Variants in CACNB2 observed in about 807,000 individuals in gnomAD.
CACNB2 encodes calcium voltage-gated channel auxiliary subunit beta 2.
In CACNB2, 42 loss-of-function variants were observed where a neutral mutation model predicts 73.3. That is an observed-to-expected ratio of 0.57 (90% CI 0.45 to 0.74). The LOEUF (loss-of-function observed/expected upper bound fraction) is 0.74. CACNB2 is among the 30% of genes least tolerant of loss of function. The pLI is 0.00. For synonymous variants in CACNB2, 348 were observed against 310.3 expected, an observed-to-expected ratio of 1.12 and a Z score of -1.28; for missense variants, 940 against 853.0, an observed-to-expected ratio of 1.10 and a Z score of -1.27.
chr10:18,275,163 G>C (rs1267357095), intron 2 of CACNB2, among the ~76,000 whole-genome samples: 1 of 152,138 alleles, frequency 6.6e-6, no homozygotes, highest in African/African-American at 2.4e-5. Context: ...GTGCTCCATC[G>C]CTATCTGGAG....
intron 3 of CACNB2, among the ~76,000 whole-genome samples, chr10:18,413,144 G>A (rs75380606): frequency 0.014 from 2,154 of 152,156 alleles, 84 homozygotes; most frequent in South Asian, 0.12. Flanking sequence ...GTAATTTTTT[G>A]TATTTTTAGT....
intron 2 of CACNB2, among the ~76,000 whole-genome samples, chr10:18,249,073 T>G (rs1028184234): frequency 1.3e-5 from 2 of 152,174 alleles, no homozygotes; most frequent in Admixed American, 1.3e-4. Context: ...TGTACTTAAA[T>G]CTGCAACAGT....
chr10:18,189,231 A>G (rs2034289088), intron 2 of CACNB2, among the ~76,000 whole-genome samples: 1 of 152,174 alleles, frequency 6.6e-6, no homozygotes, highest in Non-Finnish European at 1.5e-5. Flanking sequence ...TGTGGCTTTC[A>G]GGGCTCTTAA....
At chr10:18,360,453 G>C (rs2042097711) in intron 2 of CACNB2, among the ~76,000 whole-genome samples, 1 of 152,090 alleles carries the variant, frequency 6.6e-6, no homozygotes, top group Non-Finnish European at 1.5e-5. Context: ...TTAAATCCTG[G>C]CTTCAAGGGA....
chr10:18,232,566 G>A (rs531971875), intron 2 of CACNB2, among the ~76,000 whole-genome samples: 2 of 152,204 alleles, frequency 1.3e-5, no homozygotes, highest in East Asian at 1.9e-4. Flanking sequence ...TGCTTTTTGG[G>A]GGTCAGAATG....
At chr10:18,247,549 C>T (rs1457691341) in intron 2 of CACNB2, among the ~76,000 whole-genome samples, 2 of 151,930 alleles carry the variant, frequency 1.3e-5, no homozygotes, top group East Asian at 1.9e-4. Flanking sequence ...TTCTTTCCAT[C>T]ATCTCTTAAA....
At chr10:18,461,978 G>T (rs187155749) in intron 3 of CACNB2, among the ~76,000 whole-genome samples, 1 of 151,860 alleles carries the variant, frequency 6.6e-6, no homozygotes, top group Non-Finnish European at 1.5e-5. Context: ...TTCCATGTTG[G>T]TTGTTCACTT....
chr10:18,315,471 G>A (rs2489213), intron 2 of CACNB2, among the ~76,000 whole-genome samples: 42,135 of 132,150 alleles, frequency 0.32, 6,702 homozygotes, highest in Middle Eastern at 0.43. Flanking sequence ...GATCAGCCTG[G>A]GCAGCAAAAA....
chr10:18,455,408 A>G (rs1269082371), intron 3 of CACNB2, among the ~76,000 whole-genome samples: 2 of 152,186 alleles, frequency 1.3e-5, no homozygotes, highest in South Asian at 2.1e-4. Flanking sequence ...GTGTTTGAAG[A>G]TTCCTGGAGA....
Position 18,221,636 on chromosome 10 carries a change from G to A in CACNB2, c.213+70661G>A, listed in dbSNP as rs190804440. On this transcript the variant is annotated intron_variant, in intron 2 of 13. Transcript: ENST00000324631. ...GAAGGTTGCAGTGAGCTGAGATTGC[G>A]CCACTGCACTCCAGCCTGGGCAACA... 6.2e-3 allele frequency among the ~76,000 whole-genome samples: 946 copies of A among 152,248 alleles called. 5 individuals carry two copies. The highest frequency in any genetic ancestry group is 0.01 in the Middle Eastern group (3 of 294).
At chr10:18,310,462 G>C (rs1013557355) in intron 2 of CACNB2, among the ~76,000 whole-genome samples, 8 of 151,018 alleles carry the variant, frequency 5.3e-5, no homozygotes, top group Non-Finnish European at 1.2e-4. Context: ...AAAATTAGCT[G>C]GGCGTGGTGG....
At chr10:18,481,979 T>G (rs1433732540) in intron 3 of CACNB2, among the ~76,000 whole-genome samples, 1 of 152,160 alleles carries the variant, frequency 6.6e-6, no homozygotes, top group East Asian at 1.9e-4. Flanking sequence ...AACCTGTGCC[T>G]CCTGGGTTCA....
At chr10:18,180,228 A>G (rs923223880) in intron 2 of CACNB2, among the ~76,000 whole-genome samples, 1 of 152,136 alleles carries the variant, frequency 6.6e-6, no homozygotes, top group Non-Finnish European at 1.5e-5. Context: ...CTGGAGGGGA[A>G]TGACATACCG....
intron 3 of CACNB2, among the ~76,000 whole-genome samples, chr10:18,477,795 A>T (rs2048515173): frequency 6.6e-6 from 1 of 152,222 alleles, no homozygotes; most frequent in Non-Finnish European, 1.5e-5. Flanking sequence ...CAAAGATAAG[A>T]TGGACACAGA....
chr10:18,369,570 ATT>A (rs1404842808), intron 2 of CACNB2, among the ~76,000 whole-genome samples: 1 of 152,140 alleles, frequency 6.6e-6, no homozygotes, highest in East Asian at 1.9e-4. Context: ...ATATTTCCTT[ATT>A]GTGTCTTGTT....
chr10:18,397,329 G>A (rs981844182), intron 2 of CACNB2, among the ~76,000 whole-genome samples: 13 of 152,092 alleles, frequency 8.5e-5, no homozygotes, highest in African/African-American at 2.7e-4. Flanking sequence ...GCCGGGCCTG[G>A]TGGCGCATGC....
At chr10:18,516,005 G>C (rs551022506) in intron 7 of CACNB2, among the ~76,000 whole-genome samples, 5 of 152,108 alleles carry the variant, frequency 3.3e-5, no homozygotes, top group African/African-American at 4.8e-5. Flanking sequence ...CTGTGGTCAG[G>C]AGTTTTGAGA....
rs1368033448 is a variant in CACNB2 at position 18,446,926 on chromosome 10, G to A, written c.333+44883G>A. 3.3e-5 allele frequency among the ~76,000 whole-genome samples: 5 copies of A among 152,120 alleles called. No individual in the cohort carries two copies. In the South Asian group the frequency reaches 1.0e-3, roughly 32 times the overall value. On this transcript the variant is annotated intron_variant, in intron 3 of 13. Transcript: ENST00000324631. The stretch of plus-strand genomic sequence containing the variant: ...AAAAAATAAAAAATTAGGTGTGATG[G>A]TGTGCACCTGTGGTCCTAGCTACTT...
intron 3 of CACNB2, among the ~76,000 whole-genome samples, chr10:18,409,696 T>TGGG (rs1299115788): frequency 1.3e-5 from 2 of 152,100 alleles, no homozygotes; most frequent in African/African-American, 4.8e-5. Flanking sequence ...ATAGGGTAAT[T>TGGG]GGGGAGGGAC....
Sources: allele counts gnomAD v4.1 joint callset (sites outside exome capture counted in the v4.1 genomes callset), GRCh38; gene constraint gnomAD v4.1.1; transcripts MANE v1.5; gene names NCBI Gene and HGNC (gene_info 2026-07-23, HGNC 2026-07-21).